Variants in PCSK6 observed in about 807,000 individuals in gnomAD.
PCSK6 encodes proprotein convertase subtilisin/kexin type 6, also known as paired basic amino acid cleaving enzyme 4.
PCSK6 carries 85 observed loss-of-function variants against 123.3 expected under a neutral mutation model. The observed-to-expected ratio is 0.69, with a 90% CI of 0.58 to 0.83. PCSK6 has a LOEUF of 0.83. PCSK6 is among the 40% of genes least tolerant of loss of function. The pLI is 0.00. For synonymous variants in PCSK6, 508 were observed against 516.0 expected (o/e 0.98, Z 0.21); for missense variants, 1,191 against 1,282.3 (o/e 0.93, Z 1.09).
At chr15:101,439,550 C>T (rs2056699598) in intron 2 of PCSK6, among the ~76,000 whole-genome samples, 1 of 152,206 alleles carries the variant, frequency 6.6e-6, no homozygotes, top group African/African-American at 2.4e-5. Context: ...TGCCCTCAGC[C>T]CATGACACAG....
intron 6 of PCSK6, among the ~76,000 whole-genome samples, chr15:101,412,896 G>A (rs2055747062): frequency 6.6e-6 from 1 of 151,718 alleles, no homozygotes; most frequent in Non-Finnish European, 1.5e-5. Flanking sequence ...GCCAAGGCCG[G>A]AGGATTGCTT....
At chr15:101,442,285 T>C (rs959811781) in intron 2 of PCSK6, among the ~76,000 whole-genome samples, 18 of 152,222 alleles carry the variant, frequency 1.2e-4, no homozygotes, top group African/African-American at 3.9e-4. Context: ...CAATGTTTCA[T>C]ATCTATCTCG....
intron 19 of PCSK6, among the ~76,000 whole-genome samples, chr15:101,316,831 G>A (rs1326910543): frequency 6.6e-6 from 1 of 152,224 alleles, no homozygotes; most frequent in East Asian, 1.9e-4. Flanking sequence ...CCGGCCACGT[G>A]GGGAGGGGTG....
At chr15:101,348,202 G>C (rs1016019635) in intron 13 of PCSK6, among the ~76,000 whole-genome samples, 1 of 152,042 alleles carries the variant, frequency 6.6e-6, no homozygotes, top group African/African-American at 2.4e-5. Flanking sequence ...GCTCCTCCCC[G>C]GTGGGAACGT....
Position 101,389,630 on chromosome 15 carries a change from C to T in PCSK6, c.1210-66G>A, listed in dbSNP as rs551329583. The T allele has an allele frequency of 2.9e-5, 38 of 1,310,290 alleles. 1 individual carries two copies. In the South Asian group the frequency reaches 3.8e-4, roughly 13 times the overall value. The allele number at this position is 1,310,290 out of a possible 1,614,324, so 81.2% of individuals were successfully genotyped here. ...AGGCTAACTCACTCTGTGGAGAAGG[C>T]TGGGCTACTTCAGGTGCCACTAACT... On this transcript the variant is annotated intron_variant, in intron 8 of 21. Coordinates refer to ENST00000611716, the MANE Select transcript of PCSK6 (RefSeq NM_002570.5).
chr15:101,305,406 G>T lies in PCSK6; in HGVS notation c.2813-51C>A. 2 of 1,491,084 alleles carry T rather than the reference G, an allele frequency of 1.3e-6. No homozygotes were observed. Among genetic ancestry groups the T allele is most frequent in the Non-Finnish European group, 9.2e-7 (1 of 1,085,428 alleles). The allele number at this position is 1,491,084 out of a possible 1,614,324, so 92.4% of individuals were successfully genotyped here. A position where few individuals can be genotyped will look rare whatever the true frequency, so the allele number is the denominator to read the frequency against. On this transcript the variant is annotated intron_variant, in intron 21 of 21. Transcript: ENST00000611716. This position sits in a 1 kb window ranked among gnomAD's most constrained non-coding sequence, Gnocchi z 4.8. ...AAAGAGGGAAAGGTCAGTCTTCGGTGCCTGTGAAGATTGTTTCAAGGCCGG... is the reference window on the plus strand; with the variant it reads ...AAAGAGGGAAAGGTCAGTCTTCGGTTCCTGTGAAGATTGTTTCAAGGCCGG...
intron 5 of PCSK6, among the ~76,000 whole-genome samples, chr15:101,429,439 G>A (rs2056372247): frequency 6.6e-6 from 1 of 152,228 alleles, no homozygotes; most frequent in South Asian, 2.1e-4. Context: ...TGAGGTAGGG[G>A]ACATCACTGG....
At chr15:101,386,424 C>T (rs989486075) in intron 9 of PCSK6, among the ~76,000 whole-genome samples, 3 of 152,164 alleles carry the variant, frequency 2.0e-5, no homozygotes, top group Non-Finnish European at 2.9e-5. Flanking sequence ...GCATTAAGGA[C>T]GTTCACATTG....
intron 1 of PCSK6, among the ~76,000 whole-genome samples, chr15:101,450,797 G>T (rs912239048): frequency 6.6e-6 from 1 of 152,118 alleles, no homozygotes; most frequent in Non-Finnish European, 1.5e-5. Flanking sequence ...CAGCTGTGAG[G>T]TCGGGAGGAG....
At position 101,432,858 on chromosome 15, in the gene PCSK6, G is replaced by A. The variant is rs141758543; in HGVS notation, c.403-758C>T. ...GTAAGGACATAAGTAAATATGGTAA[G>A]CCATATATTGGAATATTTGGCAGCC... On this transcript the variant is annotated intron_variant, in intron 2 of 21. Coordinates refer to ENST00000611716, the MANE Select transcript of PCSK6 (RefSeq NM_002570.5). Among the ~76,000 whole-genome samples, 178 of 152,318 alleles carry A rather than the reference G, an allele frequency of 1.2e-3. 5 individuals carry two copies. In the East Asian group the frequency reaches 0.031, roughly 26 times the overall value.
chr15:101,424,838 C>T (rs540466732), intron 6 of PCSK6, among the ~76,000 whole-genome samples: 1 of 152,300 alleles, frequency 6.6e-6, no homozygotes, highest in East Asian at 1.9e-4. Context: ...TTGGGATATG[C>T]ATGATAACAG....
chr15:101,333,401 C>T (rs547140550), intron 13 of PCSK6, among the ~76,000 whole-genome samples: 25 of 152,354 alleles, frequency 1.6e-4, no homozygotes, highest in East Asian at 1.2e-3. Flanking sequence ...CTGTCTCCTG[C>T]GACCCAAGCT....
At chr15:101,384,461 C>T (rs1447407178) in intron 9 of PCSK6, 36 bp from the exon 10 acceptor site, 1 of 1,575,890 alleles carries the variant, frequency 6.3e-7, no homozygotes, top group Admixed American at 1.7e-5. Context: ...GTCCACACAG[C>T]TCAACAACGG....
At chr15:101,354,676 T>C (rs998191647) in intron 13 of PCSK6, among the ~76,000 whole-genome samples, 1 of 152,252 alleles carries the variant, frequency 6.6e-6, no homozygotes, top group Non-Finnish European at 1.5e-5. Flanking sequence ...GTAATGGAAA[T>C]TCTCAAATAA....
intron 12 of PCSK6, among the ~76,000 whole-genome samples, chr15:101,368,929 G>A (rs1037239652): frequency 7.2e-5 from 11 of 152,156 alleles, no homozygotes; most frequent in South Asian, 2.1e-4. Flanking sequence ...GCTGCAGCTC[G>A]TCCGCTGACA....
chr15:101,373,779 T>G (rs1055478632), intron 11 of PCSK6, among the ~76,000 whole-genome samples: 2 of 152,218 alleles, frequency 1.3e-5, no homozygotes, highest in African/African-American at 4.8e-5. Flanking sequence ...CAGTTATTTC[T>G]AAGGTAACGC....
chr15:101,410,491 G>A (rs903279869), intron 6 of PCSK6, among the ~76,000 whole-genome samples: 2 of 152,204 alleles, frequency 1.3e-5, no homozygotes, highest in African/African-American at 4.8e-5. Context: ...AAGAAGAGGG[G>A]CTAGGAAATG....
At chr15:101,438,183 G>A (rs866008595) in intron 2 of PCSK6, among the ~76,000 whole-genome samples, 13 of 152,250 alleles carry the variant, frequency 8.5e-5, no homozygotes, top group African/African-American at 1.9e-4. Flanking sequence ...AACTGCCCCC[G>A]CAGACTAACA....
At chr15:101,425,936 C>G (rs1341725428) in intron 6 of PCSK6, among the ~76,000 whole-genome samples, 1 of 152,216 alleles carries the variant, frequency 6.6e-6, no homozygotes, top group Non-Finnish European at 1.5e-5. Flanking sequence ...GTCCTCTAAA[C>G]CAGCGCTTCT....
Sources: gnomAD v4.1 joint callset for allele counts (sites outside exome capture counted in the v4.1 genomes callset) on GRCh38, gnomAD v4.1.1 for gene constraint, Gnocchi (gnomAD v3.1) non-coding constraint, MANE v1.5 for transcripts, NCBI Gene and HGNC (gene_info 2026-07-23, HGNC 2026-07-21) for gene names.